The following SNAI3 variants were observed in gnomAD, a reference collection of about 807,000 sequenced individuals.
SNAI3 encodes snail family transcriptional repressor 3.
In SNAI3, 21 loss-of-function variants were observed where a neutral mutation model predicts 16.4. That is an observed-to-expected ratio of 1.28 (90% CI 0.91 to 1.85). SNAI3 has a LOEUF of 1.85. Ranked by LOEUF, SNAI3 falls within the 40% of genes most tolerant of loss-of-function variation. SNAI3 has a pLI of 0.00. For missense variants in SNAI3, 457 were observed against 372.8 expected, an observed-to-expected ratio of 1.23 and a Z score of -1.86; for synonymous variants, 202 against 166.6, an observed-to-expected ratio of 1.21 and a Z score of -1.64.
chr16:88,684,059 C>G (rs1332169252), intron 1 of SNAI3, among the ~76,000 whole-genome samples: 1 of 152,232 alleles, frequency 6.6e-6, no homozygotes, highest in Non-Finnish European at 1.5e-5. Flanking sequence ...CGCCTCCCAT[C>G]TGCCACTCTC....
chr16:88,682,023 G>A lies in SNAI3; in HGVS notation c.77-309C>T, dbSNP rs549409669. Among the ~76,000 whole-genome samples the A allele has an allele frequency of 2.0e-5, 3 of 152,256 alleles. No individual in the cohort carries two copies. In the East Asian group the frequency reaches 5.8e-4, roughly 29 times the overall value. On this transcript the variant is annotated intron_variant, in intron 1 of 2. Coordinates refer to ENST00000332281, the MANE Select transcript of SNAI3 (RefSeq NM_178310.4). ...CTTTGTGTTCAGGAACATGAAACAG[G>A]CCTCGTGGGTAAAGGAGGGCCCTTT...
At chr16:88,686,247 GC>G in intron 1 of SNAI3, 83 bp downstream of exon 1, 3 of 1,507,974 alleles carry the variant, frequency 2.0e-6, no homozygotes, top group Non-Finnish European at 9.0e-7. Context: ...TGTCTCCCCA[GC>G]CCCCGCTCCC....
At chr16:88,679,780 A>AAG (rs1909102473) in intron 2 of SNAI3, among the ~76,000 whole-genome samples, 1 of 149,582 alleles carries the variant, frequency 6.7e-6, no homozygotes, top group African/African-American at 2.5e-5. Flanking sequence ...AAAAAAAAAA[A>AAG]AAGAAAAAGT....
In SNAI3 at chr16:88,681,609, C is replaced by A. The variant is rs200088915; in HGVS notation, c.182G>T (p.Arg61Leu). Reference protein sequence around the residue: ...VPGDLPQPWDRSSAVACISLP... With the variant: ...VPGDLPQPWDLSSAVACISLP... ...GGAGATGCAGGCGACGGCCGAGGAGCGGTCCCAGGGCTGGGGAAGGTCACC... is the reference window on the plus strand; with the variant it reads ...GGAGATGCAGGCGACGGCCGAGGAGAGGTCCCAGGGCTGGGGAAGGTCACC... Residue 61 changes from arginine to leucine, a missense_variant, in exon 2 of 3, where the codon CGC becomes CTC. Physicochemically the swap from Arg to Leu is moderately radical, Grantham distance 102 (BLOSUM62 -2). Coordinates refer to ENST00000332281, the MANE Select transcript of SNAI3 (RefSeq NM_178310.4). The surrounding 1 kb of genome is among the most constrained non-coding windows in gnomAD (Gnocchi z 5.4). 6.7e-7 allele frequency: 1 copy of A among 1,495,426 alleles called. No homozygotes were observed. The highest frequency in any genetic ancestry group is 8.9e-7 in the Non-Finnish European group (1 of 1,120,546). 92.6% of individuals were successfully genotyped at this position (1,495,426 alleles called of 1,614,324 possible). A position where few individuals can be genotyped will look rare whatever the true frequency, so the allele number is the denominator to read the frequency against.
At position 88,681,359 on chromosome 16, in the gene SNAI3, C is replaced by T. The variant is rs1909160359; in HGVS notation, c.432G>A (p.Arg144=). 1 of 1,612,698 alleles carries T rather than the reference C, an allele frequency of 6.2e-7. No individual in the cohort carries two copies. Among genetic ancestry groups the T allele is most frequent in the Non-Finnish European group, 8.5e-7 (1 of 1,179,610 alleles). The change falls in exon 2 of 3, where the codon CGG becomes CGA. Residue 144 remains arginine, a synonymous_variant. Transcript: ENST00000332281. This position sits in a 1 kb window ranked among gnomAD's most constrained non-coding sequence, Gnocchi z 5.4. The stretch of plus-strand genomic sequence containing the variant: ...CAAAGCCGCCCGGGGCTCGGGGCAT[C>T]CGCTCAGCCCCAAGCAGTTTTTCCG... ...GAPEKLLGAE[R]MPRAPGGFEC...
In SNAI3 at chr16:88,682,762, A is replaced by ATTTTTTTTTTTTT. The variant is rs71158747; in HGVS notation, c.77-1061_77-1049dup. On this transcript the variant is annotated intron_variant, in intron 1 of 2. Coordinates refer to ENST00000332281, the MANE Select transcript of SNAI3 (RefSeq NM_178310.4). ...AATACAATTTTAATATGGGCAAGGG[A>ATTTTTTTTTTTTT]TTTTTTTTTTTTTTTTTTTTTTTTT... Among the ~76,000 whole-genome samples the ATTTTTTTTTTTTT allele has an allele frequency of 3.3e-3, 199 of 60,692 alleles. 46 individuals carry two copies. Among genetic ancestry groups the ATTTTTTTTTTTTT allele is most frequent in the East Asian group, 0.022 (22 of 980 alleles). 39.8% of individuals were successfully genotyped at this position (60,692 alleles called of 152,430 possible).
intron 2 of SNAI3, chr16:88,678,956 C>G: frequency 2.0e-6 from 2 of 985,406 alleles, no homozygotes; most frequent in Middle Eastern, 5.2e-4. Flanking sequence ...GGGGTCTGGC[C>G]AGCTCCAGCA....
Position 88,678,049 on chromosome 16 carries a change from A to G in SNAI3, c.*399T>C, listed in dbSNP as rs778786309. On this transcript the variant is annotated 3_prime_UTR_variant, in exon 3 of 3. Transcript: ENST00000332281. ...TGCTCACTATAAGTCAGAACTGTTC[A>G]TTTCTGCTGCAATGGAACTAGGCAG... 3.1e-5 allele frequency: 6 copies of G among 190,522 alleles called. No individual in the cohort carries two copies. Among genetic ancestry groups the G allele is most frequent in the Non-Finnish European group, 6.5e-5 (6 of 91,680 alleles). The allele number at this position is 190,522 out of a possible 1,614,324, so 11.8% of individuals were successfully genotyped here.
Position 88,686,268 on chromosome 16 carries a change from T to C in SNAI3, c.76+63A>G, listed in dbSNP as rs1909355764. On this transcript the variant is annotated intron_variant, in intron 1 of 2. Transcript: ENST00000332281. The stretch of plus-strand genomic sequence containing the variant: ...CCCAGCCCCCGCTCCCAGGGGCCTC[T>C]CTCTCTCTCCCGCCCCTCAGGGTCG... The C allele has an allele frequency of 2.6e-6, 4 of 1,565,900 alleles. No homozygotes were observed. In the East Asian group the frequency reaches 7.1e-5, roughly 28 times the overall value.
chr16:88,684,461 A>G (rs1401814615), intron 1 of SNAI3, among the ~76,000 whole-genome samples: 1 of 152,070 alleles, frequency 6.6e-6, no homozygotes, highest in Non-Finnish European at 1.5e-5. Flanking sequence ...CTTTTTATTC[A>G]TGCTGCGGTC....
Position 88,681,484 on chromosome 16 carries a change from C to A in SNAI3, c.307G>T (p.Val103Leu). ...TGGTTCAGGCTGTCTTTGAGGGGTA[C>A]AATGGCGGCCCGGCTGGCCCGAGGG... ...VDPRASRAAI[V>L]PLKDSLNHLN... is the part of the protein sequence containing the mutation. The change falls in exon 2 of 3, where the codon GTA (valine) becomes TTA (leucine). Residue 103 changes from valine to leucine, a missense_variant. By Grantham distance (32) the Val-to-Leu change is conservative. Coordinates refer to ENST00000332281, the MANE Select transcript of SNAI3 (RefSeq NM_178310.4). This position sits in a 1 kb window ranked among gnomAD's most constrained non-coding sequence, Gnocchi z 5.4. 2 of 1,565,602 alleles carry A rather than the reference C, an allele frequency of 1.3e-6. No homozygotes were observed. Among genetic ancestry groups the A allele is most frequent in the South Asian group, 2.3e-5 (2 of 85,704 alleles).
In SNAI3 at chr16:88,678,188, C is replaced by G. The variant is rs992893539; in HGVS notation, c.*260G>C. ...TGGCCGTGTCGAAATGGAACCATGGCTCTTGTTCTGATGAAAGCCTTCCCC... is the reference window on the plus strand; with the variant it reads ...TGGCCGTGTCGAAATGGAACCATGGGTCTTGTTCTGATGAAAGCCTTCCCC... On this transcript the variant is annotated 3_prime_UTR_variant, in exon 3 of 3. Transcript: ENST00000332281. 3 of 428,746 alleles carry G rather than the reference C, an allele frequency of 7.0e-6. No individual in the cohort carries two copies. Among genetic ancestry groups the G allele is most frequent in the Non-Finnish European group, 1.3e-5 (3 of 238,922 alleles). 26.6% of individuals were successfully genotyped at this position (428,746 alleles called of 1,614,324 possible). A position where few individuals can be genotyped will look rare whatever the true frequency, so the allele number is the denominator to read the frequency against.
In SNAI3 at chr16:88,686,116, C is replaced by A. The variant is rs1375920548; in HGVS notation, c.76+215G>T. ...TCTCCAAGTTGGGAGAGAATCCCGC[C>A]CGCCCTGCCGGAGGCGGGGCTCAGT... On this transcript the variant is annotated intron_variant, in intron 1 of 2. Coordinates refer to ENST00000332281, the MANE Select transcript of SNAI3 (RefSeq NM_178310.4). 1.7e-5 allele frequency: 10 copies of A among 573,508 alleles called. No homozygotes were observed. The African/African-American group carries it at 1.9e-4, about 11-fold the overall frequency. The allele number at this position is 573,508 out of a possible 1,614,324, so 35.5% of individuals were successfully genotyped here. A position where few individuals can be genotyped will look rare whatever the true frequency, so the allele number is the denominator to read the frequency against.
chr16:88,683,860 C>T (rs1181823474), intron 1 of SNAI3, among the ~76,000 whole-genome samples: 1 of 152,134 alleles, frequency 6.6e-6, no homozygotes, highest in East Asian at 1.9e-4. Flanking sequence ...CCGGCCTGGG[C>T]AAGGGATCTG....
intron 2 of SNAI3, among the ~76,000 whole-genome samples, chr16:88,680,237 G>C (rs1293030716): frequency 6.6e-6 from 1 of 151,096 alleles, no homozygotes; most frequent in Non-Finnish European, 1.5e-5. Context: ...CTTGGGAAGG[G>C]CAGGCCACTT....
At position 88,678,172 on chromosome 16, in the gene SNAI3, C is replaced by T. The variant is rs749335689; in HGVS notation, c.*276G>A. ...GGTAGCCCCGGAGACCTGGCCGTGT[C>T]GAAATGGAACCATGGCTCTTGTTCT... On this transcript the variant is annotated 3_prime_UTR_variant, in exon 3 of 3. Coordinates refer to ENST00000332281, the MANE Select transcript of SNAI3 (RefSeq NM_178310.4). 23 of 385,846 alleles carry T rather than the reference C, an allele frequency of 6.0e-5. No homozygotes were observed. Among genetic ancestry groups the T allele is most frequent in the East Asian group, 4.3e-4 (10 of 23,046 alleles). The allele number at this position is 385,846 out of a possible 1,614,324, so 23.9% of individuals were successfully genotyped here. A position where few individuals can be genotyped will look rare whatever the true frequency, so the allele number is the denominator to read the frequency against.
chr16:88,678,709 T>C, intron 2 of SNAI3, 80 bp from the exon 3 acceptor site: 1 of 1,509,848 alleles, frequency 6.6e-7, no homozygotes. Context: ...CATCAATGGA[T>C]ACTCCCATCC....
intron 1 of SNAI3, among the ~76,000 whole-genome samples, chr16:88,683,845 T>G (rs1440927580): frequency 6.6e-6 from 1 of 152,158 alleles, no homozygotes; most frequent in Admixed American, 6.5e-5. Flanking sequence ...TGTGAGCCAC[T>G]GCGCCCGGCC....
intron 1 of SNAI3, among the ~76,000 whole-genome samples, chr16:88,683,792 AG>A (rs1393945858): frequency 1.3e-5 from 2 of 151,182 alleles, no homozygotes; most frequent in African/African-American, 4.9e-5. Context: ...CCTGGCCTCA[AG>A]GGATCTGCCC....
Sources: gnomAD v4.1 joint callset for allele counts (sites outside exome capture counted in the v4.1 genomes callset) on GRCh38, gnomAD v4.1.1 for gene constraint, Gnocchi (gnomAD v3.1) non-coding constraint, MANE v1.5 for transcripts, NCBI Gene and HGNC (gene_info 2026-07-23, HGNC 2026-07-21) for gene names.